The following ZNF599 variants were observed in gnomAD, a reference collection of about 807,000 sequenced individuals.
ZNF599 encodes the protein zinc finger protein 599.
In ZNF599, 10 loss-of-function variants were observed where a neutral mutation model predicts 11.7. The observed-to-expected ratio is 0.86, with a 90% CI of 0.53 to 1.45. The LOEUF is 1.45. Among genes scored for constraint, ZNF599 ranks in the 40% most tolerant of loss-of-function variants. ZNF599 has a pLI of 0.00. For synonymous variants in ZNF599, 232 were observed against 253.2 expected (o/e 0.92, Z 0.79); for missense variants, 688 against 713.6 (o/e 0.96, Z 0.41).
Position 34,760,261 on chromosome 19 carries a change from C to A in ZNF599, c.540G>T (p.Glu180Asp), listed in dbSNP as rs781085981. 1.2e-6 allele frequency: 2 copies of A among 1,614,070 alleles called. No homozygotes were observed. The highest frequency in any genetic ancestry group is 2.7e-5 in the African/African-American group (2 of 74,912). The change falls in exon 4 of 4, where the codon GAG (glutamate) becomes GAT (aspartate). Residue 180 changes from glutamate to aspartate, a missense_variant. Coordinates refer to ENST00000329285, the MANE Select transcript of ZNF599 (RefSeq NM_001007248.3). ...CTTTTCCTGGTCCTTGAGAGTCACA[C>A]TCATGGAGAGCATCTTGTGGAGTGA... ...ERVTPQDALH[E>D]CDSQGPGKDP...
intron 1 of ZNF599, among the ~76,000 whole-genome samples, chr19:34,771,775 G>A (rs569312625): frequency 6.6e-6 from 1 of 152,304 alleles, no homozygotes; most frequent in Non-Finnish European, 1.5e-5. Context: ...TCGACTAAGT[G>A]GTACAGGCCC....
At chr19:34,782,917 G>A in the ZNF599 span, among the ~76,000 whole-genome samples, 1 of 152,158 alleles carries the variant, frequency 6.6e-6, no homozygotes, top group East Asian at 1.9e-4. Context: ...CTCTCCTCAG[G>A]ACCTCAGTCC....
Position 34,769,530 on chromosome 19 carries a change from A to T in ZNF599, c.44T>A (p.Val15Asp). The T allele has an allele frequency of 6.2e-7, 1 of 1,614,100 alleles. No individual in the cohort carries two copies. The highest frequency in any genetic ancestry group is 1.1e-5 in the South Asian group (1 of 91,076). ...ALALVSFEDV[V>D]VTFTGEEWGH... ...CCATTCCTCTCCAGTGAAGGTCACA[A>T]CCACGTCTTCAAATGATACTAATGC... Residue 15 changes from valine to aspartate, a missense_variant, in exon 2 of 4, where the codon GTT (valine) becomes GAT (aspartate). By Grantham distance (152) the Val-to-Asp change is radical. Transcript: ENST00000329285.
intron 3 of ZNF599, among the ~76,000 whole-genome samples, chr19:34,761,551 T>G (rs1222647554): frequency 6.6e-6 from 1 of 152,132 alleles, no homozygotes; most frequent in African/African-American, 2.4e-5. Context: ...TGAAACTATA[T>G]GCATTCAGGC....
chr19:34,787,540 CA>C, the ZNF599 span, among the ~76,000 whole-genome samples: 2 of 152,212 alleles, frequency 1.3e-5, no homozygotes, highest in East Asian at 3.8e-4. Flanking sequence ...TTGAGAACAT[CA>C]CAGCTAATTG....
At chr19:34,772,684 C>T (rs2069191169) in intron 1 of ZNF599, 140 bp downstream of exon 1, 6 of 1,487,362 alleles carry the variant, frequency 4.0e-6, no homozygotes, top group Non-Finnish European at 5.3e-6. Context: ...TGCCCTCTCA[C>T]CTCACCCTCT....
the ZNF599 span, among the ~76,000 whole-genome samples, chr19:34,805,574 C>A: frequency 3.9e-5 from 6 of 152,098 alleles, no homozygotes; most frequent in Non-Finnish European, 7.4e-5. Context: ...TGGAATCCAG[C>A]CACTTTCTCC....
the ZNF599 span, among the ~76,000 whole-genome samples, chr19:34,805,481 C>A: frequency 6.6e-6 from 1 of 152,162 alleles, no homozygotes; most frequent in South Asian, 2.1e-4. Context: ...CAGGCATGAG[C>A]CACCGTGCCC....
intron 3 of ZNF599, chr19:34,763,085 CA>C (rs886340681): frequency 6.6e-6 from 1 of 151,942 alleles, no homozygotes; most frequent in Non-Finnish European, 1.5e-5. Context: ...AATGGAATAA[CA>C]AATCTTAAAG....
At position 34,759,569 on chromosome 19, in the gene ZNF599, A is replaced by T; in HGVS notation, c.1232T>A (p.Ile411Asn). ...TCCGGTATGGGTCCTCTTATGTCGG[A>T]TGAAAGTGGAGCGATGAGTAAAGGC... Reference protein sequence around the residue: ...GKAFTHRSTFIRHKRTHTGEK... With the variant: ...GKAFTHRSTFNRHKRTHTGEK... Residue 411 changes from isoleucine (I) to asparagine (N), a missense_variant, in exon 4 of 4, where the codon ATC (isoleucine) becomes AAC (asparagine). Coordinates refer to ENST00000329285, the MANE Select transcript of ZNF599 (RefSeq NM_001007248.3). 6.2e-7 allele frequency: 1 copy of T among 1,613,602 alleles called. No individual in the cohort carries two copies. Among genetic ancestry groups the T allele is most frequent in the Non-Finnish European group, 8.5e-7 (1 of 1,179,854 alleles).
rs1290273494 is a variant in ZNF599, at chr19:34,759,721, G to T, written c.1080C>A (p.Thr360=). ...ATAAAAATGGTTTTTCTCCTGTGTG[G>T]GTCACATTGTGCTGGATAAATGTGG... ...HRSTFIQHNV[T]HTGEKPFLCK... Residue 360 remains threonine, a synonymous_variant, in exon 4 of 4, where the codon ACC becomes ACA. Transcript: ENST00000329285. The T allele has an allele frequency of 1.2e-6, 2 of 1,613,994 alleles. No individual in the cohort carries two copies. Among genetic ancestry groups the T allele is most frequent in the Non-Finnish European group, 8.5e-7 (1 of 1,180,014 alleles).
chr19:34,761,975 C>A (rs1251841962), intron 3 of ZNF599, among the ~76,000 whole-genome samples: 1 of 152,032 alleles, frequency 6.6e-6, no homozygotes, highest in African/African-American at 2.4e-5. Flanking sequence ...ACATTAGTAT[C>A]AGATAGCAAA....
chr19:34,775,033 G>T (rs1210456119), upstream of ZNF599, among the ~76,000 whole-genome samples: 1 of 152,160 alleles, frequency 6.6e-6, no homozygotes, highest in East Asian at 1.9e-4. Context: ...CTCTCACCAT[G>T]TGCTACACTG....
At chr19:34,765,670 C>G in intron 3 of ZNF599, 1 of 702,952 alleles carries the variant, frequency 1.4e-6, no homozygotes, top group Non-Finnish European at 2.6e-6. Flanking sequence ...GAACATGAAT[C>G]AGTAAGTGTC....
In ZNF599 at chr19:34,760,549, T is replaced by A. The variant is rs1191263647; in HGVS notation, c.252A>T (p.Ala84=). The change falls in exon 4 of 4, where the codon GCA becomes GCT. Residue 84 remains alanine, a synonymous_variant. Coordinates refer to ENST00000329285, the MANE Select transcript of ZNF599 (RefSeq NM_001007248.3). Reference sequence around the variant, plus strand: ...CAGTAGGCTCTGTAATCTTGGGTTTTGCTTTTTCACCTGAAGGAAATCCAA... The same window carrying A: ...CAGTAGGCTCTGTAATCTTGGGTTTAGCTTTTTCACCTGAAGGAAATCCAA... ...LSQSTCAGEK[A]KPKITEPTAS... is the part of the protein sequence containing the mutation. 1 of 1,596,004 alleles carries A rather than the reference T, an allele frequency of 6.3e-7. No homozygotes were observed. The highest frequency in any genetic ancestry group is 8.5e-7 in the Non-Finnish European group (1 of 1,173,518).
the ZNF599 span, among the ~76,000 whole-genome samples, chr19:34,806,930 T>G: frequency 6.6e-6 from 1 of 152,168 alleles, no homozygotes; most frequent in South Asian, 2.1e-4. Flanking sequence ...AAAAACCCAA[T>G]GCTTTGGTGT....
chr19:34,793,402 G>A, the ZNF599 span, among the ~76,000 whole-genome samples: 2 of 152,184 alleles, frequency 1.3e-5, no homozygotes, highest in Non-Finnish European at 2.9e-5. Context: ...GTGGTCAGGG[G>A]ACGTTGGCTG....
At chr19:34,767,512 C>A (rs1362017510) in intron 2 of ZNF599, 101 bp from the exon 3 acceptor site, 14 of 835,922 alleles carry the variant, frequency 1.7e-5, no homozygotes, top group African/African-American at 1.5e-4. Flanking sequence ...TGCAATGAAA[C>A]CCCAGAAAGG....
upstream of ZNF599, among the ~76,000 whole-genome samples, chr19:34,777,398 T>C (rs1430177619): frequency 1.1e-5 from 1 of 88,568 alleles, no homozygotes; most frequent in Non-Finnish European, 2.0e-5. Flanking sequence ...ATATATAATA[T>C]ATATTATATA....
Sources: allele counts gnomAD v4.1 joint callset (sites outside exome capture counted in the v4.1 genomes callset), GRCh38; gene constraint gnomAD v4.1.1; transcripts MANE v1.5; gene names NCBI Gene and HGNC (gene_info 2026-07-23, HGNC 2026-07-21).